The following HSPA12B variants were observed in gnomAD, a reference collection of about 807,000 sequenced individuals.
HSPA12B encodes the protein heat shock protein family A (Hsp70) member 12B.
HSPA12B carries 54 observed loss-of-function variants against 69.3 expected under a neutral mutation model. The observed-to-expected ratio is 0.78, with a 90% CI of 0.63 to 0.98. HSPA12B has a LOEUF of 0.98. Ranked by LOEUF, HSPA12B falls within the 50% of genes least tolerant of loss-of-function variation. The pLI is 0.00. For synonymous variants in HSPA12B, 441 were observed against 436.5 expected (o/e 1.01, Z -0.13); for missense variants, 929 against 999.8 (o/e 0.93, Z 0.96).
chr20:3,739,335 G>A (rs1393564672), intron 2 of HSPA12B, among the ~76,000 whole-genome samples: 1 of 152,232 alleles, frequency 6.6e-6, no homozygotes, highest in Non-Finnish European at 1.5e-5. Flanking sequence ...CACAGGATCT[G>A]TGTACGGGAG....
rs780903741 is a variant in HSPA12B, at chr20:3,738,657, G to A, written c.-17-1G>A. ...CTCTGCTTGTCTGTTCCTGTTGACA[G>A]CTACAGGGCCTGCAAGGATGTTGGC... On this transcript the variant is annotated splice_acceptor_variant, in intron 1 of 12. Coordinates refer to ENST00000254963, the MANE Select transcript of HSPA12B (RefSeq NM_052970.5). LOFTEE classifies it low-confidence loss of function (5UTR_SPLICE). The A allele has an allele frequency of 6.2e-7, 1 of 1,613,918 alleles. No homozygotes were observed. The highest frequency in any genetic ancestry group is 2.2e-5 in the East Asian group (1 of 44,874).
chr20:3,746,765 G>T (rs955581579), intron 7 of HSPA12B, among the ~76,000 whole-genome samples: 2 of 152,200 alleles, frequency 1.3e-5, no homozygotes, highest in African/African-American at 4.8e-5. Flanking sequence ...TGCAGAGGGA[G>T]AACTGTAGCA....
At position 3,752,365 on chromosome 20, in the gene HSPA12B, G is replaced by A; in HGVS notation, c.*199G>A. On this transcript the variant is annotated 3_prime_UTR_variant, in exon 13 of 13. Coordinates refer to ENST00000254963, the MANE Select transcript of HSPA12B (RefSeq NM_052970.5). ...AGACTGGCTTTGGGATTGGGCACTG[G>A]TCCGCTGACTGCCAGGCTGAAGGGA... The A allele has an allele frequency of 1.9e-6, 1 of 517,042 alleles. No individual in the cohort carries two copies. The highest frequency in any genetic ancestry group is 3.2e-6 in the Non-Finnish European group (1 of 309,564). The allele number at this position is 517,042 out of a possible 1,614,324, so 32.0% of individuals were successfully genotyped here. A position where few individuals can be genotyped will look rare whatever the true frequency, so the allele number is the denominator to read the frequency against.
rs911206493 is a variant in HSPA12B at position 3,740,246 on chromosome 20, CCCT to C, written c.44-564_44-562del. On this transcript the variant is annotated intron_variant, in intron 2 of 12. Coordinates refer to ENST00000254963, the MANE Select transcript of HSPA12B (RefSeq NM_052970.5). The surrounding 1 kb of genome is among the most constrained non-coding windows in gnomAD (Gnocchi z 4.9). Reference sequence around the variant, plus strand: ...CTATGGGTGTGGGAGGAGGTGCTCCCCCTCCTCGATCCTCCTCAAGCAGCCAGC... The same window carrying C: ...CTATGGGTGTGGGAGGAGGTGCTCCCCCTCGATCCTCCTCAAGCAGCCAGC... Among the ~76,000 whole-genome samples, 1 of 152,118 alleles carries C rather than the reference CCCT, an allele frequency of 6.6e-6. No individual in the cohort carries two copies. The highest frequency in any genetic ancestry group is 1.5e-5 in the Non-Finnish European group (1 of 68,012).
In HSPA12B at chr20:3,745,326, GGCTAAGGAGAGGGGTCGGGGCAGA is replaced by G; in HGVS notation, c.454-161_454-138del. Among the ~76,000 whole-genome samples, 1 of 151,790 alleles carries G rather than the reference GGCTAAGGAGAGGGGTCGGGGCAGA, an allele frequency of 6.6e-6. No individual in the cohort carries two copies. Among genetic ancestry groups the G allele is most frequent in the African/African-American group, 2.4e-5 (1 of 41,276 alleles). ...GAAGCTGGGGTTGCAGGAGGGGTGG[GGCTAAGGAGAGGGGTCGGGGCAGA>G]GCTAATGTCACATGGGGCAAGAGTG... On this transcript the variant is annotated intron_variant, in intron 5 of 12. Transcript: ENST00000254963. The surrounding 1 kb of genome is among the most constrained non-coding windows in gnomAD (Gnocchi z 5.6).
At chr20:3,734,358 G>A (rs748014387) in intron 1 of HSPA12B, among the ~76,000 whole-genome samples, 1 of 152,210 alleles carries the variant, frequency 6.6e-6, no homozygotes, top group Non-Finnish European at 1.5e-5. Context: ...ATGACTAGAG[G>A]TCAATATGAA....
chr20:3,747,371 G>C lies in HSPA12B; in HGVS notation c.676-846G>C, dbSNP rs371992007. Among the ~76,000 whole-genome samples, 7 of 152,306 alleles carry C rather than the reference G, an allele frequency of 4.6e-5. No individual in the cohort carries two copies. In the East Asian group the frequency reaches 1.4e-3, roughly 29 times the overall value. On this transcript the variant is annotated intron_variant, in intron 7 of 12. Transcript: ENST00000254963. ...AGCACAGTGGACATCCCTGTGCAAA[G>C]ATCAGGACGGAAGCAAGGCTGTCCC...
chr20:3,752,123 C>T lies in HSPA12B; in HGVS notation c.2018C>T (p.Thr673Ile). ...EIKVTAVDVS[T>I]NRSVRASIDF... Reference sequence around the variant, plus strand: ...AAGGTCACCGCCGTCGACGTCAGCACCAATCGCTCCGTGCGCGCGTCCATC... The same window carrying T: ...AAGGTCACCGCCGTCGACGTCAGCATCAATCGCTCCGTGCGCGCGTCCATC... The change falls in exon 13 of 13, where the codon ACC (threonine) becomes ATC (isoleucine). Residue 673 changes from threonine (T) to isoleucine (I), a missense_variant. Thr to Ile is a moderately conservative substitution (Grantham distance 89). This residue lies in a region of HSPA12B where 448 missense variants were observed against 448.1 expected (regional missense o/e 1.00). Coordinates refer to ENST00000254963, the MANE Select transcript of HSPA12B (RefSeq NM_052970.5). The T allele has an allele frequency of 1.3e-6, 2 of 1,488,800 alleles. No individual in the cohort carries two copies. The highest frequency in any genetic ancestry group is 1.8e-6 in the Non-Finnish European group (2 of 1,126,496). The allele number at this position is 1,488,800 out of a possible 1,614,324, so 92.2% of individuals were successfully genotyped here.
At position 3,752,223 on chromosome 20, in the gene HSPA12B, G is replaced by A; in HGVS notation, c.*57G>A. The A allele has an allele frequency of 2.8e-6, 4 of 1,405,006 alleles. 1 individual carries two copies. In the Admixed American group the frequency reaches 1.2e-4, roughly 40 times the overall value. The allele number at this position is 1,405,006 out of a possible 1,614,324, so 87.0% of individuals were successfully genotyped here. On this transcript the variant is annotated 3_prime_UTR_variant, in exon 13 of 13. Transcript: ENST00000254963. ...CCCGGCCCCGCCCTCTTTCGGTTCA[G>A]GGGCCTGCGGAGCGGGTTGGGGCGG...
At chr20:3,736,625 GGCC>G (rs2088112309) in intron 1 of HSPA12B, among the ~76,000 whole-genome samples, 1 of 152,224 alleles carries the variant, frequency 6.6e-6, no homozygotes, top group African/African-American at 2.4e-5. Context: ...GGAGCAGCCA[GGCC>G]CACCAATGAG....
chr20:3,748,468 G>A, intron 8 of HSPA12B, 77 bp downstream of exon 8: 10 of 1,315,192 alleles, frequency 7.6e-6, no homozygotes, highest in Non-Finnish European at 9.9e-6. Context: ...GCCATGTCTA[G>A]TATGAAGGGG....
Position 3,750,859 on chromosome 20 carries a change from A to C in HSPA12B, c.1357A>C (p.Met453Leu). Residue 453 changes from methionine to leucine, a missense_variant, in exon 12 of 13, where the codon ATG becomes CTG. This residue lies in a region of HSPA12B where 448 missense variants were observed against 448.1 expected (regional missense o/e 1.00). Transcript: ENST00000254963. Reference protein sequence around the residue: ...QGMLRMSCEAMNELFQPTVSG... With the variant: ...QGMLRMSCEALNELFQPTVSG... Reference sequence around the variant, plus strand: ...GATGCTCCGAATGTCTTGTGAAGCCATGAACGAGCTCTTTCAGCCCACCGT... The same window carrying C: ...GATGCTCCGAATGTCTTGTGAAGCCCTGAACGAGCTCTTTCAGCCCACCGT... 1 of 1,614,014 alleles carries C rather than the reference A, an allele frequency of 6.2e-7. No homozygotes were observed. The highest frequency in any genetic ancestry group is 8.5e-7 in the Non-Finnish European group (1 of 1,180,040).
At position 3,745,241 on chromosome 20, in the gene HSPA12B, G is replaced by T. The variant is rs1450583966; in HGVS notation, c.453+153G>T. ...GGGCTAAAGGGAGACGTCGGACTCC[G>T]GTGTGGGCGGAGCTCAGAAATGAGG... is the stretch of plus-strand genomic sequence containing the variant. On this transcript the variant is annotated intron_variant, in intron 5 of 12. Coordinates refer to ENST00000254963, the MANE Select transcript of HSPA12B (RefSeq NM_052970.5). This position sits in a 1 kb window ranked among gnomAD's most constrained non-coding sequence, Gnocchi z 5.6. Among the ~76,000 whole-genome samples, 3 of 151,748 alleles carry T rather than the reference G, an allele frequency of 2.0e-5. No homozygotes were observed. The highest frequency in any genetic ancestry group is 4.4e-5 in the Non-Finnish European group (3 of 67,940).
Position 3,740,648 on chromosome 20 carries a change from T to A in HSPA12B, c.44-167T>A, listed in dbSNP as rs901660502. Among the ~76,000 whole-genome samples the A allele has an allele frequency of 1.3e-5, 2 of 152,196 alleles. No individual in the cohort carries two copies. The highest frequency in any genetic ancestry group is 1.3e-4 in the Admixed American group (2 of 15,286). On this transcript the variant is annotated intron_variant, in intron 2 of 12. Coordinates refer to ENST00000254963, the MANE Select transcript of HSPA12B (RefSeq NM_052970.5). The surrounding 1 kb of genome is among the most constrained non-coding windows in gnomAD (Gnocchi z 4.9). Reference sequence around the variant, plus strand: ...ACAGCAGACCCTCAGCTCCTGCCCCTGCGTCATGTGTGTCTTTCCTACACC... The same window carrying A: ...ACAGCAGACCCTCAGCTCCTGCCCCAGCGTCATGTGTGTCTTTCCTACACC...
intron 1 of HSPA12B, among the ~76,000 whole-genome samples, chr20:3,734,261 G>C (rs1434813275): frequency 6.6e-6 from 1 of 152,106 alleles, no homozygotes; most frequent in Non-Finnish European, 1.5e-5. Context: ...GTGAGTTCCT[G>C]CTGGGCCACA....
Position 3,752,413 on chromosome 20 carries a change from AGAG to A in HSPA12B, c.*248_*250del. The A allele has an allele frequency of 2.4e-6, 1 of 408,918 alleles. No homozygotes were observed. The highest frequency in any genetic ancestry group is 3.9e-5 in the East Asian group (1 of 25,932). The allele number at this position is 408,918 out of a possible 1,614,324, so 25.3% of individuals were successfully genotyped here. On this transcript the variant is annotated 3_prime_UTR_variant, in exon 13 of 13. Coordinates refer to ENST00000254963, the MANE Select transcript of HSPA12B (RefSeq NM_052970.5). ...GGACCCGCCAAGGACTGAACGGGTAAGAGAAGAGGTTTGCAAGACAGAGCGCGC... is the reference window on the plus strand; with the variant it reads ...GGACCCGCCAAGGACTGAACGGGTAAAAGAGGTTTGCAAGACAGAGCGCGC...
intron 4 of HSPA12B, among the ~76,000 whole-genome samples, chr20:3,743,362 A>G (rs1432369878): frequency 6.6e-6 from 1 of 151,786 alleles, no homozygotes; most frequent in African/African-American, 2.4e-5. Context: ...TAAAAAAAAA[A>G]AAAAATTTTT....
At chr20:3,746,804 C>G (rs1437927415) in intron 7 of HSPA12B, among the ~76,000 whole-genome samples, 1 of 152,254 alleles carries the variant, frequency 6.6e-6, no homozygotes, top group South Asian at 2.1e-4. Context: ...CTTGCACATC[C>G]GTATCGGTCT....
chr20:3,745,838 A>G lies in HSPA12B; in HGVS notation c.559-77A>G, dbSNP rs573131262. 54 of 1,270,852 alleles carry G rather than the reference A, an allele frequency of 4.2e-5. No individual in the cohort carries two copies. In the African/African-American group the frequency reaches 6.3e-4, roughly 15 times the overall value. The allele number at this position is 1,270,852 out of a possible 1,614,324, so 78.7% of individuals were successfully genotyped here. A position where few individuals can be genotyped will look rare whatever the true frequency, so the allele number is the denominator to read the frequency against. ...AAGTCCTTCCTGTGATTTGATTAGT[A>G]CCTCCAGTTCCGCAGAGGGCTGAAG... On this transcript the variant is annotated intron_variant, in intron 6 of 12. Coordinates refer to ENST00000254963, the MANE Select transcript of HSPA12B (RefSeq NM_052970.5). The surrounding 1 kb of genome is among the most constrained non-coding windows in gnomAD (Gnocchi z 5.6).
Sources: allele counts gnomAD v4.1 joint callset (sites outside exome capture counted in the v4.1 genomes callset), GRCh38; gene constraint gnomAD v4.1.1; regional missense constraint gnomAD v4.1.1; non-coding constraint Gnocchi (gnomAD v3.1); transcripts MANE v1.5; gene names NCBI Gene and HGNC (gene_info 2026-07-23, HGNC 2026-07-21).